Variants in NRXN3 observed in about 807,000 individuals in gnomAD.
The protein encoded by NRXN3 is neurexin 3, also known as neurexin III.
In NRXN3, 32 loss-of-function variants were observed where a neutral mutation model predicts 137.6. The ratio of observed to expected loss-of-function variants is 0.23; its 90% confidence interval spans 0.18 to 0.31. NRXN3 has a LOEUF of 0.31. NRXN3 is among the 10% of genes least tolerant of loss of function. The pLI is 1.00. For synonymous variants in NRXN3, 798 were observed against 784.5 expected (o/e 1.02, Z -0.29); for missense variants, 1,574 against 2,062.5 (o/e 0.76, Z 4.59).
intron 19 of NRXN3, among the ~76,000 whole-genome samples, chr14:79,757,850 TC>T (rs1435211834): frequency 1.3e-5 from 2 of 152,162 alleles, no homozygotes; most frequent in Admixed American, 6.5e-5. Flanking sequence ...AGGCCTATCA[TC>T]CGAGAGACCA....
At chr14:79,539,120 C>A (rs1055214108) in intron 16 of NRXN3, among the ~76,000 whole-genome samples, 3 of 152,090 alleles carry the variant, frequency 2.0e-5, no homozygotes, top group Admixed American at 2.0e-4. Context: ...AGTGCAGTGG[C>A]ACGATCTTGG....
intron 4 of NRXN3, among the ~76,000 whole-genome samples, chr14:78,546,569 C>A (rs1395634201): frequency 6.6e-6 from 1 of 152,142 alleles, no homozygotes; most frequent in African/African-American, 2.4e-5. Context: ...CCGTCCCCAC[C>A]TTTAAAAAGT....
At chr14:79,183,642 A>G (rs1269146555) in intron 15 of NRXN3, among the ~76,000 whole-genome samples, 1 of 152,238 alleles carries the variant, frequency 6.6e-6, no homozygotes, top group East Asian at 1.9e-4. Flanking sequence ...ACTCTAGTCT[A>G]TAATCACAAC....
chr14:78,291,545 C>CT (rs780484114), intron 3 of NRXN3, among the ~76,000 whole-genome samples: 1 of 152,140 alleles, frequency 6.6e-6, no homozygotes, highest in Non-Finnish European at 1.5e-5. Flanking sequence ...AACAACATGA[C>CT]TTTTTTTCCC....
chr14:78,878,613 G>A (rs2099119605), intron 10 of NRXN3, among the ~76,000 whole-genome samples: 1 of 152,082 alleles, frequency 6.6e-6, no homozygotes, highest in African/African-American at 2.4e-5. Context: ...TACTTATGGT[G>A]TACAATATTG....
At chr14:78,626,792 T>C (rs551072851) in intron 4 of NRXN3, among the ~76,000 whole-genome samples, 75 of 152,304 alleles carry the variant, frequency 4.9e-4, no homozygotes, top group African/African-American at 1.6e-3. Flanking sequence ...GAGATTGTCT[T>C]TCAGAGAGCA....
chr14:79,462,847 G>T (rs2096365953), intron 15 of NRXN3, among the ~76,000 whole-genome samples: 1 of 150,568 alleles, frequency 6.6e-6, no homozygotes, highest in Non-Finnish European at 1.5e-5. Context: ...ATATGTATAT[G>T]TGCATACACA....
chr14:79,464,049 A>G (rs1219619221), intron 15 of NRXN3, among the ~76,000 whole-genome samples: 1 of 152,216 alleles, frequency 6.6e-6, no homozygotes, highest in East Asian at 1.9e-4. Flanking sequence ...AAAACCATGC[A>G]AGATGGCAAA....
At chr14:79,420,412 G>C (rs751362022) in intron 15 of NRXN3, among the ~76,000 whole-genome samples, 1 of 151,980 alleles carries the variant, frequency 6.6e-6, no homozygotes, top group Non-Finnish European at 1.5e-5. Flanking sequence ...CAAATATCTT[G>C]AGCAGTAGGC....
At chr14:79,358,826 C>G (rs946007143) in intron 15 of NRXN3, among the ~76,000 whole-genome samples, 1 of 152,088 alleles carries the variant, frequency 6.6e-6, no homozygotes, top group Admixed American at 6.5e-5. Flanking sequence ...CCACTACTAA[C>G]TCTCCTGACC....
At chr14:79,282,520 A>G (rs2081444618) in intron 15 of NRXN3, among the ~76,000 whole-genome samples, 1 of 152,048 alleles carries the variant, frequency 6.6e-6, no homozygotes, top group African/African-American at 2.4e-5. Context: ...TCTCTCATAA[A>G]GGGGTTGAGC....
At chr14:78,378,929 A>C (rs550918825) in intron 4 of NRXN3, among the ~76,000 whole-genome samples, 1 of 152,280 alleles carries the variant, frequency 6.6e-6, no homozygotes, top group Non-Finnish European at 1.5e-5. Context: ...ATCAAAAATG[A>C]AATAAAGGAT....
At chr14:78,686,837 T>A (rs1230403284) in intron 6 of NRXN3, among the ~76,000 whole-genome samples, 1 of 152,150 alleles carries the variant, frequency 6.6e-6, no homozygotes, top group East Asian at 1.9e-4. Flanking sequence ...CACTTCTAGC[T>A]CACTGAATGT....
At chr14:78,444,251 A>G (rs1021012521) in intron 4 of NRXN3, among the ~76,000 whole-genome samples, 29 of 152,210 alleles carry the variant, frequency 1.9e-4, no homozygotes, top group Admixed American at 1.8e-3. Context: ...CCCATTTTAC[A>G]GATGAGGAAA....
At chr14:78,986,138 T>C (rs1431282245) in intron 14 of NRXN3, among the ~76,000 whole-genome samples, 2 of 152,190 alleles carry the variant, frequency 1.3e-5, no homozygotes, top group Non-Finnish European at 2.9e-5. Flanking sequence ...CCCTGTGTTC[T>C]TTCATTTCAG....
At chr14:78,704,550 A>G (rs1010768757) in intron 6 of NRXN3, among the ~76,000 whole-genome samples, 2 of 152,130 alleles carry the variant, frequency 1.3e-5, no homozygotes, top group African/African-American at 2.4e-5. Flanking sequence ...GGCTTTGCAC[A>G]TCAAGATGGA....
chr14:78,422,208 G>A (rs2093475269), intron 4 of NRXN3, among the ~76,000 whole-genome samples: 1 of 152,170 alleles, frequency 6.6e-6, no homozygotes, highest in South Asian at 2.1e-4. Context: ...GGCTCAAATG[G>A]TACTTCCCCA....
At chr14:79,555,936 T>G (rs1177050482) in intron 16 of NRXN3, among the ~76,000 whole-genome samples, 2 of 152,190 alleles carry the variant, frequency 1.3e-5, no homozygotes, top group Non-Finnish European at 2.9e-5. Context: ...TGTTTTCTGC[T>G]GCTGTCACTG....
At chr14:78,381,158 G>A (rs1426803579) in intron 4 of NRXN3, among the ~76,000 whole-genome samples, 1 of 152,136 alleles carries the variant, frequency 6.6e-6, no homozygotes, top group Non-Finnish European at 1.5e-5. Context: ...GCTCAAAGTG[G>A]ATCACAGACA....
Sources: gnomAD v4.1 joint callset for allele counts (sites outside exome capture counted in the v4.1 genomes callset) on GRCh38, gnomAD v4.1.1 for gene constraint, MANE v1.5 for transcripts, NCBI Gene and HGNC (gene_info 2026-07-23, HGNC 2026-07-21) for gene names.